ATRIP: variants seen among roughly 807,000 people sequenced by gnomAD.
ATRIP encodes the protein ATR-interacting protein.
Under a neutral mutation model 78.1 loss-of-function variants are expected in ATRIP, and 44 were observed. The observed-to-expected ratio is 0.56, with a 90% CI of 0.44 to 0.72. ATRIP has a LOEUF of 0.72. ATRIP is among the 30% of genes least tolerant of loss of function. ATRIP has a pLI of 0.00. For missense variants in ATRIP, 927 were observed against 980.2 expected, an observed-to-expected ratio of 0.95 and a Z score of 0.72; for synonymous variants, 388 against 408.9, an observed-to-expected ratio of 0.95 and a Z score of 0.62.
Position 48,446,833 on chromosome 3 carries a change from G to A in ATRIP, c.-13G>A. 7.2e-7 allele frequency: 1 copy of A among 1,397,742 alleles called. No individual in the cohort carries two copies. Among genetic ancestry groups the A allele is most frequent in the Non-Finnish European group, 9.3e-7 (1 of 1,076,424 alleles). 86.6% of individuals were successfully genotyped at this position (1,397,742 alleles called of 1,614,324 possible). The stretch of plus-strand genomic sequence containing the variant: ...AGCTCGGCGCTGTCGGATACTTGGG[G>A]TGAGCGGAAAGCATGGCGGGGACCT... On this transcript the variant is annotated 5_prime_UTR_variant, in exon 1 of 13. The change creates a new upstream start codon in the 5' untranslated region. Transcript: ENST00000320211.
chr3:48,464,928 G>T lies in ATRIP; in HGVS notation c.2153G>T (p.Arg718Leu). 6.2e-7 allele frequency: 1 copy of T among 1,614,166 alleles called. No individual in the cohort carries two copies. Residue 718 changes from arginine to leucine, a missense_variant, in exon 12 of 13, where the codon CGC (arginine) becomes CTC (leucine). Arg to Leu is a moderately radical substitution (Grantham distance 102, BLOSUM62 -2). Transcript: ENST00000320211. ...ACCGACCAGCAGAGGCGGACAGTGC[G>T]CTGTCTGCGGGACACGGTGCTGCTG... ...PRTDQQRRTV[R>L]CLRDTVLLLH...
chr3:48,460,027 G>T (rs1415134263), intron 7 of ATRIP, 83 bp from the exon 8 acceptor site: 15 of 1,550,440 alleles, frequency 9.7e-6, no homozygotes, highest in Non-Finnish European at 1.2e-5. Context: ...GCAGCCTGGA[G>T]AATTTGGCAG....
chr3:48,461,768 G>T (rs1015723698), intron 8 of ATRIP, among the ~76,000 whole-genome samples: 1 of 152,086 alleles, frequency 6.6e-6, no homozygotes, highest in Non-Finnish European at 1.5e-5. Flanking sequence ...GCAGTGGTGC[G>T]ATCTCGGCTC....
intron 4 of ATRIP, among the ~76,000 whole-genome samples, chr3:48,455,293 A>C (rs1364169038): frequency 6.6e-6 from 1 of 152,204 alleles, no homozygotes; most frequent in Non-Finnish European, 1.5e-5. Context: ...AGACAAGAGA[A>C]CTGAGGGGAT....
At chr3:48,455,014 C>A (rs1225235917) in intron 4 of ATRIP, among the ~76,000 whole-genome samples, 1 of 152,062 alleles carries the variant, frequency 6.6e-6, no homozygotes, top group Non-Finnish European at 1.5e-5. Context: ...AGGCACACAC[C>A]ACCACGCCCA....
At chr3:48,459,235 C>A in intron 5 of ATRIP, 124 bp from the exon 6 acceptor site, 1 of 742,094 alleles carries the variant, frequency 1.3e-6, no homozygotes, top group Non-Finnish European at 2.3e-6. Context: ...GCCGCTTTGG[C>A]TCTTGTTTGT....
rs1393192200 is a variant in ATRIP, at chr3:48,464,841, C to T, written c.2066C>T (p.Ala689Val). The change falls in exon 12 of 13, where the codon GCG becomes GTG. Residue 689 changes from alanine (A) to valine (V), a missense_variant. Ala to Val is a moderately conservative substitution (Grantham distance 64, BLOSUM62 0). Transcript: ENST00000320211. ...CCCCCCCTCTCTCAGGTGGTCAGAG[C>T]GCTCACGGTGATGTTGCACAGACAG... is the stretch of plus-strand genomic sequence containing the variant. ...NCQCNVEVVR[A>V]LTVMLHRQWL... The T allele has an allele frequency of 1.6e-5, 26 of 1,610,506 alleles. No homozygotes were observed. The highest frequency in any genetic ancestry group is 4.5e-5 in the East Asian group (2 of 44,792).
chr3:48,460,455 A>C lies in ATRIP; in HGVS notation c.1401A>C (p.Ser467=), dbSNP rs200223802. ...SSGVETNPED[S]VCILEGFSVT... The stretch of plus-strand genomic sequence containing the variant: ...GGGTAGAGACCAACCCTGAGGACTC[A>C]GTGTGCATCCTGGAAGGCTTCTCTG... Residue 467 remains serine (S), a synonymous_variant, in exon 8 of 13, where the codon TCA becomes TCC. Transcript: ENST00000320211. 2 of 1,611,148 alleles carry C rather than the reference A, an allele frequency of 1.2e-6. No individual in the cohort carries two copies. The highest frequency in any genetic ancestry group is 1.7e-6 in the Non-Finnish European group (2 of 1,178,360).
Position 48,460,137 on chromosome 3 carries a change from G to C in ATRIP, c.1083G>C (p.Arg361Ser). Reference sequence around the variant, plus strand: ...CCTTGGCTGGAATGTCAGGCCTCAGGACCACAGGTTCTTATGATGGGTCAT... The same window carrying C: ...CCTTGGCTGGAATGTCAGGCCTCAGCACCACAGGTTCTTATGATGGGTCAT... The part of the protein sequence containing the change: ...GSTLAGMSGL[R>S]TTGSYDGSFS... Residue 361 changes from arginine (R) to serine (S), a missense_variant, in exon 8 of 13, where the codon AGG becomes AGC. By Grantham distance (110) the Arg-to-Ser change is moderately radical. Transcript: ENST00000320211. 1 of 1,613,256 alleles carries C rather than the reference G, an allele frequency of 6.2e-7. No individual in the cohort carries two copies. The highest frequency in any genetic ancestry group is 8.5e-7 in the Non-Finnish European group (1 of 1,179,738).
chr3:48,447,456 G>A, intron 1 of ATRIP: 2 of 1,006,762 alleles, frequency 2.0e-6, no homozygotes, highest in Non-Finnish European at 2.4e-6. Flanking sequence ...AAGTTTGAGC[G>A]GCTTTAGATC....
chr3:48,463,669 C>G (rs2040180567), intron 8 of ATRIP, 76 bp from the exon 9 acceptor site: 4 of 1,581,600 alleles, frequency 2.5e-6, no homozygotes, highest in Middle Eastern at 1.7e-4. Flanking sequence ...TTTCTGTTAC[C>G]TCTAGTGGAG....
intron 8 of ATRIP, among the ~76,000 whole-genome samples, chr3:48,462,117 C>T (rs1235538304): frequency 6.6e-6 from 1 of 151,786 alleles, no homozygotes; most frequent in East Asian, 2.0e-4. Flanking sequence ...CACTTGAGCC[C>T]AGGAGTTTGA....
Position 48,460,326 on chromosome 3 carries a change from G to A in ATRIP, c.1272G>A (p.Gln424=). The change falls in exon 8 of 13, where the codon CAG becomes CAA. Residue 424 remains glutamine (Q), a synonymous_variant. Transcript: ENST00000320211. ...PGAVHFLPLV[Q]FFIGLHCQAL... ...CCGTGCATTTCCTCCCCCTTGTACA[G>A]TTCTTCATCGGCTTACACTGCCAGG... 2.5e-6 allele frequency: 4 copies of A among 1,613,520 alleles called. No homozygotes were observed. Among genetic ancestry groups the A allele is most frequent in the Admixed American group, 1.7e-5 (1 of 59,926 alleles).
intron 2 of ATRIP, among the ~76,000 whole-genome samples, chr3:48,451,296 C>T (rs2039830062): frequency 6.6e-6 from 1 of 152,118 alleles, no homozygotes; most frequent in South Asian, 2.1e-4. Flanking sequence ...TCAAGACCAG[C>T]CTGGGCAATA....
In ATRIP at chr3:48,464,641, C is replaced by G. The variant is rs759218924; in HGVS notation, c.2034C>G (p.Ser678=). The change falls in exon 11 of 13, where the codon TCC becomes TCG. Residue 678 remains serine (S), a synonymous_variant. Transcript: ENST00000320211. Reference sequence around the variant, plus strand: ...GCCCCTTGCCCCCAGTCACTGGCTCCAACTGCCAGTGTAATGTGGAGGTGA... The same window carrying G: ...GCCCCTTGCCCCCAGTCACTGGCTCGAACTGCCAGTGTAATGTGGAGGTGA... The part of the protein sequence containing the change: ...VQSPLPPVTG[S]NCQCNVEVVR... 1.2e-6 allele frequency: 2 copies of G among 1,614,050 alleles called. No individual in the cohort carries two copies. The highest frequency in any genetic ancestry group is 3.3e-5 in the Admixed American group (2 of 60,014).
chr3:48,462,096 G>A (rs1024278180), intron 8 of ATRIP, among the ~76,000 whole-genome samples: 3 of 152,084 alleles, frequency 2.0e-5, no homozygotes, highest in African/African-American at 4.8e-5. Flanking sequence ...GGGAGGCCAA[G>A]GTGGGAGGAT....
intron 5 of ATRIP, 90 bp downstream of exon 5, chr3:48,457,506 G>GA: frequency 1.9e-6 from 2 of 1,081,036 alleles, no homozygotes; most frequent in Middle Eastern, 2.9e-4. Context: ...CAATTTCTGT[G>GA]ATCAGCAATT....
intron 6 of ATRIP, 104 bp from the exon 7 acceptor site, chr3:48,459,683 C>G: frequency 6.7e-7 from 1 of 1,481,980 alleles, no homozygotes; most frequent in Non-Finnish European, 9.2e-7. Flanking sequence ...TAGTGGCAGC[C>G]TAGAGGACAG....
At chr3:48,449,965 T>C in intron 1 of ATRIP, 72 bp from the exon 2 acceptor site, 3 of 1,456,524 alleles carry the variant, frequency 2.1e-6, no homozygotes, top group Non-Finnish European at 2.8e-6. Flanking sequence ...AAAAAGTGGG[T>C]ATTTTCAGCA....
Sources: allele counts gnomAD v4.1 joint callset (sites outside exome capture counted in the v4.1 genomes callset), GRCh38; gene constraint gnomAD v4.1.1; transcripts MANE v1.5; gene names NCBI Gene and HGNC (gene_info 2026-07-23, HGNC 2026-07-21).